Variants in PTK7 observed in about 807,000 individuals in gnomAD.
PTK7 encodes protein tyrosine kinase 7 (inactive), also known as inactive tyrosine-protein kinase 7.
In PTK7, 39 loss-of-function variants were observed where a neutral mutation model predicts 116.6. The ratio of observed to expected loss-of-function variants is 0.33; its 90% CI spans 0.26 to 0.44. The LOEUF (loss-of-function observed/expected upper bound fraction) is 0.44, where lower values mean the gene tolerates loss of function less well. Among genes scored for constraint, PTK7 ranks in the 20% least tolerant of loss-of-function variants. PTK7 has a pLI of 1.00. For missense variants in PTK7, 1,169 were observed against 1,425.6 expected, an observed-to-expected ratio of 0.82 and a Z score of 2.90; for synonymous variants, 546 against 563.6, an observed-to-expected ratio of 0.97 and a Z score of 0.44.
At chr6:43,123,215 A>C (rs2150418566) in intron 1 of PTK7, among the ~76,000 whole-genome samples, 1 of 152,332 alleles carries the variant, frequency 6.6e-6, no homozygotes, top group Middle Eastern at 3.4e-3. Context: ...TTGGCCTCCC[A>C]AAGTGCTGGG....
At chr6:43,157,697 G>T (rs978820300) in intron 17 of PTK7, among the ~76,000 whole-genome samples, 1 of 151,662 alleles carries the variant, frequency 6.6e-6, no homozygotes, top group Admixed American at 6.6e-5. Context: ...CCTGGGCAAC[G>T]TAGCTAGACA....
At chr6:43,109,480 G>A (rs762259611) in intron 1 of PTK7, among the ~76,000 whole-genome samples, 4 of 152,080 alleles carry the variant, frequency 2.6e-5, no homozygotes, top group Non-Finnish European at 5.9e-5. Flanking sequence ...AATTCTGCAA[G>A]GAGAAAGGAC....
chr6:43,142,823 A>G (rs1215703859), intron 13 of PTK7: 8 of 186,692 alleles, frequency 4.3e-5, no homozygotes, highest in Non-Finnish European at 7.9e-5. Flanking sequence ...TTTCTAGACA[A>G]AGTATAATGT....
intron 1 of PTK7, among the ~76,000 whole-genome samples, chr6:43,079,335 C>T (rs563259324): frequency 5.3e-5 from 8 of 152,156 alleles, no homozygotes; most frequent in East Asian, 1.9e-4. Flanking sequence ...GGCGTGGTGG[C>T]GGGTGCCCGT....
intron 1 of PTK7, among the ~76,000 whole-genome samples, chr6:43,126,137 T>C (rs1769273334): frequency 6.6e-6 from 1 of 152,044 alleles, no homozygotes; most frequent in South Asian, 2.1e-4. Context: ...CTGGCCAACA[T>C]GGTGAAACCC....
Position 43,161,102 on chromosome 6 carries a change from G to A in PTK7, c.*221G>A. ...CCAAACTGGGCGACTAGGGCTTTGA[G>A]CTGGGCAGTTTTCCCTGCCACCTCT... On this transcript the variant is annotated 3_prime_UTR_variant, in exon 20 of 20. Coordinates refer to ENST00000230419, the MANE Select transcript of PTK7 (RefSeq NM_002821.5). 2 of 617,864 alleles carry A rather than the reference G, an allele frequency of 3.2e-6. No homozygotes were observed. Among genetic ancestry groups the A allele is most frequent in the South Asian group, 5.1e-5 (2 of 39,346 alleles). 38.3% of individuals were successfully genotyped at this position (617,864 alleles called of 1,614,324 possible). A position where few individuals can be genotyped will look rare whatever the true frequency, so the allele number is the denominator to read the frequency against.
intron 18 of PTK7, 117 bp downstream of exon 18, chr6:43,159,085 G>A (rs1771683662): frequency 8.3e-6 from 11 of 1,323,056 alleles, no homozygotes; most frequent in Non-Finnish European, 1.1e-5. Context: ...TCCAAAGCTG[G>A]AGGGCCTGGG....
chr6:43,088,164 G>A (rs1483821102), intron 1 of PTK7, among the ~76,000 whole-genome samples: 1 of 152,138 alleles, frequency 6.6e-6, no homozygotes, highest in Non-Finnish European at 1.5e-5. Context: ...AAATTAGACA[G>A]CAGCGGTGGC....
intron 10 of PTK7, among the ~76,000 whole-genome samples, chr6:43,140,285 C>A (rs954358216): frequency 1.3e-5 from 2 of 151,914 alleles, no homozygotes; most frequent in African/African-American, 4.8e-5. Context: ...AACCTCGTCT[C>A]TACTGAAAAT....
At chr6:43,105,620 G>A (rs1767846282) in intron 1 of PTK7, among the ~76,000 whole-genome samples, 1 of 152,176 alleles carries the variant, frequency 6.6e-6, no homozygotes, top group Non-Finnish European at 1.5e-5. Flanking sequence ...TCATTAAGGT[G>A]AATGACGAAT....
At chr6:43,140,445 T>G (rs1192125735) in intron 10 of PTK7, among the ~76,000 whole-genome samples, 1 of 134,496 alleles carries the variant, frequency 7.4e-6, no homozygotes, top group Non-Finnish European at 1.5e-5. Flanking sequence ...AGAGCGAGAC[T>G]CCATCTCAAA....
chr6:43,127,289 C>T (rs1769348578), intron 1 of PTK7, among the ~76,000 whole-genome samples: 1 of 152,206 alleles, frequency 6.6e-6, no homozygotes, highest in African/African-American at 2.4e-5. Context: ...AGGGAGTCCT[C>T]TTCTGTGTTC....
intron 1 of PTK7, among the ~76,000 whole-genome samples, chr6:43,106,715 G>A (rs1249016728): frequency 7.0e-6 from 1 of 142,544 alleles, no homozygotes; most frequent in Admixed American, 7.4e-5. Context: ...GTGCAGTGGT[G>A]TGATCTCGAC....
At chr6:43,104,852 G>T (rs191851466) in intron 1 of PTK7, among the ~76,000 whole-genome samples, 1 of 129,298 alleles carries the variant, frequency 7.7e-6, no homozygotes, top group Non-Finnish European at 1.5e-5. Flanking sequence ...TCACTCTGTC[G>T]CCCAGGCTGG....
At chr6:43,095,197 TAAAAA>T (rs34914497) in intron 1 of PTK7, among the ~76,000 whole-genome samples, 2 of 89,014 alleles carry the variant, frequency 2.2e-5, no homozygotes, top group Non-Finnish European at 2.2e-5. Context: ...CAGTCTCTAC[TAAAAA>T]AAAAAAAAAA....
Position 43,129,232 on chromosome 6 carries a change from C to T in PTK7, c.335C>T (p.Ala112Val). The change falls in exon 2 of 20, where the codon GCC (alanine) becomes GTC (valine). Residue 112 changes from alanine (A) to valine (V), a missense_variant. This residue lies in a region of PTK7 where 487 missense variants were observed against 549.8 expected (regional missense o/e 0.89). Coordinates refer to ENST00000230419, the MANE Select transcript of PTK7 (RefSeq NM_002821.5). This position sits in a 1 kb window ranked among gnomAD's most constrained non-coding sequence, Gnocchi z 4.5. ...VARDDVTGEE[A>V]RSANASFNIK... ...CGGGATGATGTCACTGGAGAAGAAG[C>T]CCGCAGTGCCAACGCCTCCTTCAAC... 6.2e-7 allele frequency: 1 copy of T among 1,614,108 alleles called. No individual in the cohort carries two copies. Among genetic ancestry groups the T allele is most frequent in the African/African-American group, 1.3e-5 (1 of 75,032 alleles).
At position 43,129,821 on chromosome 6, in the gene PTK7, G is replaced by T; in HGVS notation, c.462G>T (p.Gly154=). 6.2e-7 allele frequency: 1 copy of T among 1,613,994 alleles called. No homozygotes were observed. The highest frequency in any genetic ancestry group is 2.2e-5 in the East Asian group (1 of 44,880). ...TQVTLRCHID[G]HPRPTYQWFR... Reference sequence around the variant, plus strand: ...TCACACTTCGTTGCCACATTGATGGGCACCCTCGGTAAGGAGTCAGGGAGG... The same window carrying T: ...TCACACTTCGTTGCCACATTGATGGTCACCCTCGGTAAGGAGTCAGGGAGG... The change falls in exon 3 of 20, where the codon GGG becomes GGT. Residue 154 remains glycine, a synonymous_variant. Transcript: ENST00000230419. This position sits in a 1 kb window ranked among gnomAD's most constrained non-coding sequence, Gnocchi z 4.5.
At chr6:43,093,788 G>A (rs1242562350) in intron 1 of PTK7, among the ~76,000 whole-genome samples, 2 of 152,180 alleles carry the variant, frequency 1.3e-5, no homozygotes, top group African/African-American at 4.8e-5. Flanking sequence ...ACAGAAGAAC[G>A]AAGGCAGGGA....
At chr6:43,109,864 A>G (rs1171576029) in intron 1 of PTK7, among the ~76,000 whole-genome samples, 2 of 151,776 alleles carry the variant, frequency 1.3e-5, no homozygotes, top group African/African-American at 4.8e-5. Flanking sequence ...ACGCCCGGCT[A>G]ATTTTTTGTA....
Sources: allele counts gnomAD v4.1 joint callset (sites outside exome capture counted in the v4.1 genomes callset), GRCh38; gene constraint gnomAD v4.1.1; regional missense constraint gnomAD v4.1.1; non-coding constraint Gnocchi (gnomAD v3.1); transcripts MANE v1.5; gene names NCBI Gene and HGNC (gene_info 2026-07-23, HGNC 2026-07-21).